ZNF567: variants seen among roughly 807,000 people sequenced by gnomAD.
The protein encoded by ZNF567 is zinc finger protein 567.
In ZNF567, 36 loss-of-function variants were observed where a neutral mutation model predicts 53.9. That is an observed-to-expected ratio of 0.67 (90% CI 0.51 to 0.88). ZNF567 has a LOEUF of 0.88. Among genes scored for constraint, ZNF567 ranks in the 40% least tolerant of loss-of-function variants. The probability of loss-of-function intolerance (pLI) is 0.00; values close to 1 mark genes in which losing one functional copy is unlikely to be tolerated. For missense variants in ZNF567, 619 were observed against 764.7 expected, an observed-to-expected ratio of 0.81 and a Z score of 2.25; for synonymous variants, 224 against 260.4, an observed-to-expected ratio of 0.86 and a Z score of 1.35.
Position 36,720,140 on chromosome 19 carries a change from A to C in ZNF567, c.1416A>C (p.Thr472=), listed in dbSNP as rs1038431543. The change falls in exon 6 of 6, where the codon ACA becomes ACC. Residue 472 remains threonine (T), a synonymous_variant. Coordinates refer to ENST00000682579, the MANE Select transcript of ZNF567 (RefSeq NM_001322917.1). ...TTLVAHQRTH[T]GEKSYECPHC... ...TTGTAGCACATCAGAGAACACATAC[A>C]GGGGAGAAATCTTATGAATGTCCTC... 6.2e-6 allele frequency: 10 copies of C among 1,613,886 alleles called. No individual in the cohort carries two copies. In the African/African-American group the frequency reaches 1.2e-4, roughly 19 times the overall value.
chr19:36,708,974 ATTAG>A (rs1446216259), intron 3 of ZNF567, among the ~76,000 whole-genome samples: 1 of 152,230 alleles, frequency 6.6e-6, no homozygotes, highest in African/African-American at 2.4e-5. Flanking sequence ...TTAATATTAA[ATTAG>A]TTATGGTAAA....
chr19:36,696,278 T>C (rs1568687117), intron 3 of ZNF567, among the ~76,000 whole-genome samples: 2 of 152,216 alleles, frequency 1.3e-5, no homozygotes, highest in Non-Finnish European at 2.9e-5. Flanking sequence ...TCTTAAATAC[T>C]GGTGTTCTCC....
downstream of ZNF567, among the ~76,000 whole-genome samples, chr19:36,724,008 T>C (rs867966756): frequency 1.2e-4 from 18 of 144,734 alleles, no homozygotes; most frequent in South Asian, 6.6e-4. Context: ...GTATTTCTTT[T>C]TTTTTTTTTT....
intron 3 of ZNF567, among the ~76,000 whole-genome samples, chr19:36,710,960 T>C (rs955692175): frequency 6.6e-6 from 1 of 152,202 alleles, no homozygotes; most frequent in Non-Finnish European, 1.5e-5. Flanking sequence ...CTCCAACACA[T>C]GCATATTTTA....
chr19:36,691,405 A>T (rs1302477978), intron 2 of ZNF567, among the ~76,000 whole-genome samples: 1 of 151,952 alleles, frequency 6.6e-6, no homozygotes, highest in Non-Finnish European at 1.5e-5. Flanking sequence ...GGCTCAAGTG[A>T]TCTGCCCACC....
downstream of ZNF567, among the ~76,000 whole-genome samples, chr19:36,722,113 G>T (rs2040310144): frequency 6.6e-6 from 1 of 152,106 alleles, no homozygotes; most frequent in Non-Finnish European, 1.5e-5. Flanking sequence ...AGTGACTAGA[G>T]AGATTTTGAT....
intron 3 of ZNF567, 79 bp downstream of exon 3, chr19:36,694,955 T>G: frequency 5.0e-5 from 71 of 1,422,894 alleles, no homozygotes; most frequent in Non-Finnish European, 5.7e-5. Context: ...TGTGTCGGTC[T>G]TGTCCTACAT....
At chr19:36,726,083 T>C (rs2040334202), downstream of ZNF567, among the ~76,000 whole-genome samples, 1 of 152,218 alleles carries the variant, frequency 6.6e-6, no homozygotes, top group Admixed American at 6.5e-5. Context: ...TGTCCCTCCA[T>C]TTGAGTTTAT....
In ZNF567 at chr19:36,712,758, T is replaced by TA. The variant is rs148030250; in HGVS notation, c.137-21dup. ...CAGTGGTATTATAGCCCAATCAACTTAAGTCTTTTTTTCACTTTTCAGGGT... is the reference window on the plus strand; with the variant it reads ...CAGTGGTATTATAGCCCAATCAACTTAAAGTCTTTTTTTCACTTTTCAGGGT... On this transcript the variant is annotated intron_variant, in intron 4 of 5. Transcript: ENST00000682579. 2.4e-3 allele frequency: 3,933 copies of TA among 1,607,158 alleles called. 88 individuals carry two copies. The African/African-American group carries it at 0.045, about 18-fold the overall frequency.
chr19:36,671,363 C>G, the ZNF567 span, among the ~76,000 whole-genome samples: 1 of 152,152 alleles, frequency 6.6e-6, no homozygotes, highest in African/African-American at 2.4e-5. Context: ...TCTGGCTCCT[C>G]CTACAGTCAA....
At chr19:36,678,566 C>T in the ZNF567 span, among the ~76,000 whole-genome samples, 9 of 151,974 alleles carry the variant, frequency 5.9e-5, no homozygotes, top group South Asian at 4.2e-4. Context: ...AATAACTGGC[C>T]GGGTGCGGTG....
At chr19:36,685,858 C>T (rs892155552), upstream of ZNF567, 2 of 152,208 alleles carry the variant, frequency 1.3e-5, no homozygotes, top group African/African-American at 4.8e-5. Flanking sequence ...TTCTGCTGAT[C>T]ATATTCATGT....
At chr19:36,708,404 T>C (rs192507226) in intron 3 of ZNF567, among the ~76,000 whole-genome samples, 86 of 152,348 alleles carry the variant, frequency 5.6e-4, no homozygotes, top group Admixed American at 1.5e-3. Flanking sequence ...TAAGTTTTTG[T>C]TAGTGTAGGT....
chr19:36,667,832 G>A, the ZNF567 span, among the ~76,000 whole-genome samples: 3 of 151,718 alleles, frequency 2.0e-5, no homozygotes, highest in Non-Finnish European at 4.4e-5. Context: ...TGTATTTTTA[G>A]TAGAGACGGG....
At chr19:36,724,004 CTTTTTTT>C (rs536627641), downstream of ZNF567, among the ~76,000 whole-genome samples, 6 of 98,384 alleles carry the variant, frequency 6.1e-5, no homozygotes, top group African/African-American at 2.1e-4. Context: ...TTCTGTATTT[CTTTTTTT>C]TTTTTTTTTT....
At chr19:36,718,714 C>G (rs904028887) in intron 5 of ZNF567, among the ~76,000 whole-genome samples, 1 of 152,144 alleles carries the variant, frequency 6.6e-6, no homozygotes. Context: ...GTTTCACTTT[C>G]TCTAAGAAGT....
chr19:36,719,491 A>G lies in ZNF567; in HGVS notation c.767A>G (p.Asn256Ser), dbSNP rs1364095886. The change falls in exon 6 of 6, where the codon AAT (asparagine) becomes AGT (serine). Residue 256 changes from asparagine to serine, a missense_variant. By Grantham distance (46) the Asn-to-Ser change is conservative. Coordinates refer to ENST00000682579, the MANE Select transcript of ZNF567 (RefSeq NM_001322917.1). ...AATATTGAAAAAAAACATACATGCA[A>G]TGAATGTGGGAAATCTTTCTGCAGG... ...ATNIEKKHTC[N>S]ECGKSFCRKS... The G allele has an allele frequency of 1.9e-6, 3 of 1,612,476 alleles. No individual in the cohort carries two copies. Among genetic ancestry groups the G allele is most frequent in the Non-Finnish European group, 2.5e-6 (3 of 1,179,662 alleles).
the ZNF567 span, among the ~76,000 whole-genome samples, chr19:36,678,571 G>A: frequency 1.1e-4 from 17 of 152,276 alleles, no homozygotes; most frequent in East Asian, 2.1e-3. Flanking sequence ...CTGGCCGGGT[G>A]CGGTGGCTCA....
chr19:36,696,579 G>A (rs991550439), intron 3 of ZNF567, among the ~76,000 whole-genome samples: 2 of 152,090 alleles, frequency 1.3e-5, no homozygotes, highest in Admixed American at 6.6e-5. Flanking sequence ...GCCAACATGA[G>A]TTAAAAGTCT....
Sources: gnomAD v4.1 joint callset for allele counts (sites outside exome capture counted in the v4.1 genomes callset) on GRCh38, gnomAD v4.1.1 for gene constraint, MANE v1.5 for transcripts, NCBI Gene and HGNC (gene_info 2026-07-23, HGNC 2026-07-21) for gene names.